DNAH12: variants seen among roughly 807,000 people sequenced by gnomAD.
DNAH12 encodes the protein dynein axonemal heavy chain 12.
DNAH12 carries 285 observed loss-of-function variants against 371.5 expected under a neutral mutation model. The ratio of observed to expected loss-of-function variants is 0.77; its 90% CI spans 0.70 to 0.85. The LOEUF is 0.85. Among genes scored for constraint, DNAH12 ranks in the 40% least tolerant of loss-of-function variants. The pLI, the probability that DNAH12 is intolerant of heterozygous loss-of-function variation, is 0.00. For synonymous variants in DNAH12, 1,200 were observed against 1,213.0 expected, an observed-to-expected ratio of 0.99 and a Z score of 0.22; for missense variants, 3,611 against 3,689.4, an observed-to-expected ratio of 0.98 and a Z score of 0.55.
chr3:57,319,467 T>G (rs2061757434), intron 65 of DNAH12, among the ~76,000 whole-genome samples: 1 of 152,134 alleles, frequency 6.6e-6, no homozygotes, highest in Non-Finnish European at 1.5e-5. Flanking sequence ...CAGGAAAAAT[T>G]TTCAGTTTTT....
At chr3:57,414,535 C>T (rs894157393) in intron 38 of DNAH12, among the ~76,000 whole-genome samples, 1 of 152,122 alleles carries the variant, frequency 6.6e-6, no homozygotes, top group East Asian at 1.9e-4. Flanking sequence ...TCCTCACCCT[C>T]CTCCCCCGCT....
At chr3:57,432,876 T>A (rs1254238673) in intron 32 of DNAH12, among the ~76,000 whole-genome samples, 3 of 152,152 alleles carry the variant, frequency 2.0e-5, no homozygotes, top group African/African-American at 7.2e-5. Context: ...AATCTACACT[T>A]GAAATTGGTA....
intron 36 of DNAH12, among the ~76,000 whole-genome samples, chr3:57,419,735 T>C (rs963475701): frequency 3.9e-5 from 6 of 152,176 alleles, no homozygotes; most frequent in Admixed American, 6.5e-5. Flanking sequence ...ATTTAAAAAA[T>C]ATATTTTTTC....
chr3:57,549,623 A>G, the DNAH12 span, among the ~76,000 whole-genome samples: 1 of 152,000 alleles, frequency 6.6e-6, no homozygotes, highest in South Asian at 2.1e-4. Flanking sequence ...ATCTTTTACT[A>G]TATTTTATTT....
At chr3:57,508,268 C>A in intron 7 of DNAH12, 114 bp downstream of exon 7, 2 of 1,057,214 alleles carry the variant, frequency 1.9e-6, no homozygotes, top group Non-Finnish European at 1.3e-6. Flanking sequence ...TTTTTAAACT[C>A]TAAAATCTAG....
At chr3:57,419,125 C>A (rs1342360141) in intron 37 of DNAH12, among the ~76,000 whole-genome samples, 1 of 152,118 alleles carries the variant, frequency 6.6e-6, no homozygotes, top group Non-Finnish European at 1.5e-5. Flanking sequence ...TGTTACAAAT[C>A]AAAAATGTAA....
intron 42 of DNAH12, among the ~76,000 whole-genome samples, chr3:57,404,545 AT>A (rs374186890): frequency 0.024 from 3,594 of 151,990 alleles, 64 homozygotes; most frequent in Admixed American, 0.035. Flanking sequence ...GTGAAACCCC[AT>A]CTCTACTAAA....
At chr3:57,442,679 A>G (rs17058193) in intron 29 of DNAH12, among the ~76,000 whole-genome samples, 1 of 152,184 alleles carries the variant, frequency 6.6e-6, no homozygotes, top group Non-Finnish European at 1.5e-5. Flanking sequence ...TATTCATAAG[A>G]GTACATAAGA....
chr3:57,369,013 C>A (rs2063110194), intron 55 of DNAH12, among the ~76,000 whole-genome samples: 1 of 151,792 alleles, frequency 6.6e-6, no homozygotes, highest in Admixed American at 6.6e-5. Context: ...TCAAGACCAG[C>A]CTGGCCAACA....
At chr3:57,361,444 C>CTATATATATATATATATATATATATA (rs1201361123) in intron 58 of DNAH12, among the ~76,000 whole-genome samples, 9 of 116,684 alleles carry the variant, frequency 7.7e-5, no homozygotes, top group South Asian at 5.4e-4. Context: ...CACACACACA[C>CTATATATATATATATATATATATATA]TATATATATA....
At chr3:57,448,583 A>T (rs931061659) in intron 25 of DNAH12, among the ~76,000 whole-genome samples, 1 of 152,166 alleles carries the variant, frequency 6.6e-6, no homozygotes, top group African/African-American at 2.4e-5. Flanking sequence ...CAAAAGAACA[A>T]AGCTTCCACA....
intron 13 of DNAH12, among the ~76,000 whole-genome samples, chr3:57,479,107 C>G (rs1175376812): frequency 1.3e-5 from 2 of 150,866 alleles, no homozygotes; most frequent in Non-Finnish European, 2.9e-5. Context: ...GCTAAATGCT[C>G]CAATTAAAAG....
chr3:57,496,133 A>T (rs2067312703), intron 11 of DNAH12, among the ~76,000 whole-genome samples: 1 of 151,868 alleles, frequency 6.6e-6, no homozygotes, highest in Non-Finnish European at 1.5e-5. Flanking sequence ...CCTGTCAATG[A>T]CCACTTGAGT....
intron 69 of DNAH12, among the ~76,000 whole-genome samples, chr3:57,302,567 A>ATATATATATATTTTTTTTTTTTT (rs2061380979): frequency 3.6e-5 from 1 of 27,474 alleles, no homozygotes; most frequent in Non-Finnish European, 6.3e-5. Context: ...ATATATATGT[A>ATATATATATATTTTTTTTTTTTT]TTTTTTTTTT....
intron 66 of DNAH12, among the ~76,000 whole-genome samples, chr3:57,311,940 A>G (rs1038322913): frequency 6.6e-6 from 1 of 152,182 alleles, no homozygotes; most frequent in Non-Finnish European, 1.5e-5. Context: ...TCGCCTCTCA[A>G]TAACTCTGCA....
chr3:57,318,003 A>T (rs1319134237), intron 65 of DNAH12, among the ~76,000 whole-genome samples: 2 of 151,884 alleles, frequency 1.3e-5, no homozygotes, highest in African/African-American at 4.8e-5. Flanking sequence ...GCCCATTTTT[A>T]ATCTGGTTAT....
intron 32 of DNAH12, among the ~76,000 whole-genome samples, chr3:57,430,483 GTTT>G (rs906763824): frequency 1.3e-5 from 2 of 152,104 alleles, no homozygotes; most frequent in Non-Finnish European, 2.9e-5. Flanking sequence ...TATGCATTGA[GTTT>G]TTTATGTCTC....
intron 60 of DNAH12, among the ~76,000 whole-genome samples, chr3:57,338,183 T>C (rs1291536901): frequency 4.6e-5 from 7 of 152,176 alleles, no homozygotes; most frequent in Admixed American, 1.3e-4. Flanking sequence ...TGACTGGTTT[T>C]TGTATTTTTG....
chr3:57,374,261 T>C (rs1474825410), intron 55 of DNAH12, among the ~76,000 whole-genome samples: 1 of 152,140 alleles, frequency 6.6e-6, no homozygotes, highest in South Asian at 2.1e-4. Context: ...ATAATAATAA[T>C]ACCTAACTCA....
Sources: gnomAD v4.1 joint callset for allele counts (sites outside exome capture counted in the v4.1 genomes callset) on GRCh38, gnomAD v4.1.1 for gene constraint, MANE v1.5 for transcripts, NCBI Gene and HGNC (gene_info 2026-07-23, HGNC 2026-07-21) for gene names.